Variants in NTM observed in about 807,000 individuals in gnomAD.
NTM encodes the protein neurotrimin.
In NTM, 13 loss-of-function variants were observed where a neutral mutation model predicts 42.1. The ratio of observed to expected loss-of-function variants is 0.31; its 90% CI spans 0.20 to 0.49. The LOEUF is 0.49. NTM is among the 20% of genes least tolerant of loss of function. The probability of loss-of-function intolerance (pLI) is 0.99; values close to 1 mark genes in which losing one functional copy is unlikely to be tolerated. For synonymous variants in NTM, 187 were observed against 179.2 expected, an observed-to-expected ratio of 1.04 and a Z score of -0.35; for missense variants, 373 against 452.8, an observed-to-expected ratio of 0.82 and a Z score of 1.60.
At chr11:131,924,305 C>T (rs558983422) in intron 2 of NTM, among the ~76,000 whole-genome samples, 17 of 152,238 alleles carry the variant, frequency 1.1e-4, no homozygotes, top group Middle Eastern at 3.4e-3. Context: ...TCTGTCCCAA[C>T]GCATCATGTG....
intron 2 of NTM, among the ~76,000 whole-genome samples, chr11:132,055,849 T>C (rs1313431528): frequency 6.6e-6 from 1 of 152,226 alleles, no homozygotes; most frequent in African/African-American, 2.4e-5. Flanking sequence ...AGTTCTCTTA[T>C]AATCTGTCCT....
chr11:131,814,710 G>C (rs961601104), intron 1 of NTM, among the ~76,000 whole-genome samples: 1 of 152,144 alleles, frequency 6.6e-6, no homozygotes, highest in African/African-American at 2.4e-5. Flanking sequence ...CTTGCTGCGC[G>C]TCTTGCGTTT....
intron 2 of NTM, among the ~76,000 whole-genome samples, chr11:131,934,071 T>A (rs2058946120): frequency 6.6e-6 from 1 of 152,210 alleles, no homozygotes; most frequent in Non-Finnish European, 1.5e-5. Flanking sequence ...AGGTCCTGTG[T>A]TCTAAACAAC....
At chr11:131,533,662 G>A (rs1226045403) in intron 1 of NTM, among the ~76,000 whole-genome samples, 2 of 152,166 alleles carry the variant, frequency 1.3e-5, no homozygotes, top group Non-Finnish European at 2.9e-5. Context: ...CGTGGCTACA[G>A]GATTGTTTTA....
intron 1 of NTM, among the ~76,000 whole-genome samples, chr11:131,441,035 A>G (rs1949584899): frequency 6.6e-6 from 1 of 151,614 alleles, no homozygotes; most frequent in Admixed American, 6.6e-5. Flanking sequence ...CTCTCATTTT[A>G]TTTGTCTATA....
chr11:131,751,985 C>T (rs1203823142), intron 1 of NTM, among the ~76,000 whole-genome samples: 1 of 152,072 alleles, frequency 6.6e-6, no homozygotes, highest in African/African-American at 2.4e-5. Context: ...ATGCAGAAGC[C>T]AACATTGACG....
intron 3 of NTM, among the ~76,000 whole-genome samples, chr11:132,180,068 A>G (rs574656644): frequency 6.6e-6 from 1 of 152,320 alleles, no homozygotes; most frequent in East Asian, 1.9e-4. Flanking sequence ...GGCCTATGGG[A>G]ACCCCGTTTG....
chr11:132,217,038 C>T (rs115103271), intron 4 of NTM, among the ~76,000 whole-genome samples: 2,382 of 152,278 alleles, frequency 0.016, 61 homozygotes, highest in African/African-American at 0.053. Context: ...GACAGTGGGT[C>T]ATCCATGAGC....
chr11:131,906,650 C>T (rs1483635706), intron 1 of NTM, among the ~76,000 whole-genome samples: 10 of 152,298 alleles, frequency 6.6e-5, no homozygotes, highest in African/African-American at 2.4e-4. Context: ...CTTGTTCATC[C>T]TGCTCCCCCT....
In NTM at chr11:132,194,596, A is replaced by G. The variant is rs77490371; in HGVS notation, c.401-17426A>G. On this transcript the variant is annotated intron_variant, in intron 3 of 8. Transcript: ENST00000683400. ...CACTCTCACCAGACCTATGTAACATAATACTGAAAGTCCTTGCCAGAGAAG... is the reference window on the plus strand; with the variant it reads ...CACTCTCACCAGACCTATGTAACATGATACTGAAAGTCCTTGCCAGAGAAG... 1.9e-3 allele frequency among the ~76,000 whole-genome samples: 285 copies of G among 152,254 alleles called. 2 individuals are homozygous for G. The highest frequency in any genetic ancestry group is 6.7e-3 in the African/African-American group (279 of 41,558).
chr11:131,873,997 A>T (rs1180384201), intron 1 of NTM, among the ~76,000 whole-genome samples: 1 of 119,170 alleles, frequency 8.4e-6, no homozygotes, highest in Admixed American at 1.2e-4. Context: ...TATATATTAT[A>T]TTTACATATA....
At chr11:131,862,560 G>T (rs1179392829) in intron 1 of NTM, among the ~76,000 whole-genome samples, 1 of 152,094 alleles carries the variant, frequency 6.6e-6, no homozygotes, top group Non-Finnish European at 1.5e-5. Context: ...TTTTATTTTT[G>T]TTTGATGGTA....
At chr11:132,060,517 G>C (rs2080489099) in intron 2 of NTM, among the ~76,000 whole-genome samples, 1 of 149,828 alleles carries the variant, frequency 6.7e-6, no homozygotes, top group Non-Finnish European at 1.5e-5. Context: ...GATGAAAGGA[G>C]GTTGTAAATA....
chr11:131,775,763 G>A (rs1464190330), intron 1 of NTM, among the ~76,000 whole-genome samples: 3 of 152,178 alleles, frequency 2.0e-5, no homozygotes, highest in South Asian at 2.1e-4. Flanking sequence ...AATTCAAGAT[G>A]TACAGTAATG....
chr11:131,863,780 G>T (rs1156592572), intron 1 of NTM, among the ~76,000 whole-genome samples: 1 of 152,192 alleles, frequency 6.6e-6, no homozygotes, highest in Non-Finnish European at 1.5e-5. Context: ...AGGATGTCCT[G>T]CTGCCAATCA....
At chr11:132,042,231 T>C (rs1318803261) in intron 2 of NTM, among the ~76,000 whole-genome samples, 4 of 152,200 alleles carry the variant, frequency 2.6e-5, no homozygotes, top group Non-Finnish European at 5.9e-5. Flanking sequence ...TGATCATAGA[T>C]GCCAAATAGC....
intron 1 of NTM, among the ~76,000 whole-genome samples, chr11:131,401,855 TATA>T (rs1945275955): frequency 2.8e-5 from 3 of 106,612 alleles, no homozygotes; most frequent in Non-Finnish European, 5.8e-5. Context: ...TATATATATA[TATA>T]TATTTTAATT....
chr11:131,575,889 T>C (rs1459598521), intron 1 of NTM, among the ~76,000 whole-genome samples: 3 of 152,164 alleles, frequency 2.0e-5, no homozygotes, highest in African/African-American at 7.2e-5. Flanking sequence ...TCCAGATGAA[T>C]TATCTCAAGT....
At chr11:131,945,264 C>T (rs2134266738) in intron 2 of NTM, among the ~76,000 whole-genome samples, 1 of 152,310 alleles carries the variant, frequency 6.6e-6, no homozygotes, top group East Asian at 1.9e-4. Flanking sequence ...AGCAAGAGGT[C>T]TGCTGTAGCA....
Sources: gnomAD v4.1 joint callset for allele counts (sites outside exome capture counted in the v4.1 genomes callset) on GRCh38, gnomAD v4.1.1 for gene constraint, MANE v1.5 for transcripts, NCBI Gene and HGNC (gene_info 2026-07-23, HGNC 2026-07-21) for gene names.